CEL: variants seen among roughly 807,000 people sequenced by gnomAD.
CEL encodes carboxyl ester lipase.
A neutral mutation model predicts 57.1 loss-of-function variants in CEL; 39 were observed. The ratio of observed to expected loss-of-function variants is 0.68; its 90% CI spans 0.53 to 0.89. The LOEUF is 0.89. Among genes scored for constraint, CEL ranks in the 40% least tolerant of loss-of-function variants. CEL has a pLI of 0.00. For missense variants in CEL, 698 were observed against 915.0 expected, an observed-to-expected ratio of 0.76 and a Z score of 3.06; for synonymous variants, 314 against 396.6, an observed-to-expected ratio of 0.79 and a Z score of 2.48.
chr9:133,065,102 C>T lies in CEL; in HGVS notation c.403C>T (p.His135Tyr). 1 of 1,613,980 alleles carries T rather than the reference C, an allele frequency of 6.2e-7. No individual in the cohort carries two copies. Among genetic ancestry groups the T allele is most frequent in the African/African-American group, 1.3e-5 (1 of 75,062 alleles). Residue 135 changes from histidine to tyrosine, a missense_variant, in exon 4 of 11, where the codon CAT becomes TAT. Around this residue, in one of 6 missense-constraint regions of CEL, gnomAD observed 327 missense variants for 374.1 expected, o/e 0.87. Coordinates refer to ENST00000372080, the MANE Select transcript of CEL (RefSeq NM_001807.6). ...YGGAFLMGSG[H>Y]GANFLNNYLY... ...AGGCGCCTTCCTCATGGGGTCCGGC[C>T]ATGGGGCCAACTTCCTCAACAACTA...
Position 133,071,635 on chromosome 9 carries a change from CG to C in CEL, c.2134del (p.Ala712ProfsTer46), listed in dbSNP as rs1830277301. The stretch of plus-strand genomic sequence containing the variant: ...TGACCCCCACGGGTGACTCCGAGAC[CG>C]CCCCCGTGCCGCCCACGGGTGACTC... ...PVTPTGDSET[A>X]PVPPTGDSGA... On this transcript the variant is annotated frameshift_variant, in exon 11 of 11. Transcript: ENST00000372080. LOFTEE classifies it high-confidence loss of function. 6.7e-7 allele frequency: 1 copy of C among 1,503,258 alleles called. No homozygotes were observed. The highest frequency in any genetic ancestry group is 9.1e-7 in the Non-Finnish European group (1 of 1,102,534). The allele number at this position is 1,503,258 out of a possible 1,614,324, so 93.1% of individuals were successfully genotyped here.
chr9:133,064,903 GCCCA>G, intron 3 of CEL, 133 bp from the exon 4 acceptor site: 2 of 1,539,350 alleles, frequency 1.3e-6, no homozygotes, highest in Admixed American at 3.6e-5. Flanking sequence ...CACTGCCGTT[GCCCA>G]GCCTGGGGCA....
chr9:133,062,132 G>A, intron 1 of CEL, 64 bp downstream of exon 1: 1 of 1,477,116 alleles, frequency 6.8e-7, no homozygotes, highest in East Asian at 2.5e-5. Context: ...GGAAACTTCG[G>A]GCCAGGCTGA....
intron 2 of CEL, 43 bp downstream of exon 2, chr9:133,064,597 T>A (rs775674013): frequency 6.2e-7 from 1 of 1,602,052 alleles, no homozygotes; most frequent in Admixed American, 1.7e-5. Flanking sequence ...GCGGGGCGGG[T>A]GAGGGCGGCT....
Position 133,071,714 on chromosome 9 carries a change from C to T in CEL, c.2212C>T (p.Pro738Ser). The change falls in exon 11 of 11, where the codon CCC becomes TCC. Residue 738 changes from proline to serine, a missense_variant. By Grantham distance (74) the Pro-to-Ser change is moderately conservative. Coordinates refer to ENST00000372080, the MANE Select transcript of CEL (RefSeq NM_001807.6). ...TGDSEAAPVP[P>S]TDDSKEAQMP... ...TGACTCTGAGGCTGCCCCTGTGCCC[C>T]CCACAGATGACTCCAAGGAAGCTCA... 1 of 1,610,258 alleles carries T rather than the reference C, an allele frequency of 6.2e-7. No homozygotes were observed. Among genetic ancestry groups the T allele is most frequent in the Non-Finnish European group, 8.5e-7 (1 of 1,178,756 alleles).
Position 133,066,413 on chromosome 9 carries a change from C to T in CEL, c.539-117C>T. 2 of 1,352,302 alleles carry T rather than the reference C, an allele frequency of 1.5e-6. No homozygotes were observed. The highest frequency in any genetic ancestry group is 2.1e-6 in the Non-Finnish European group (2 of 964,150). 83.8% of individuals were successfully genotyped at this position (1,352,302 alleles called of 1,614,324 possible). ...GACCCACCATTTGCCAACTGGGGCT[C>T]TGCCATGGCCCCAACTCTGTTGAGG... On this transcript the variant is annotated intron_variant, in intron 4 of 10. Coordinates refer to ENST00000372080, the MANE Select transcript of CEL (RefSeq NM_001807.6). This position sits in a 1 kb window ranked among gnomAD's most constrained non-coding sequence, Gnocchi z 4.3.
intron 1 of CEL, 136 bp from the exon 2 acceptor site, chr9:133,064,268 G>A (rs1830137920): frequency 8.8e-7 from 1 of 1,136,692 alleles, no homozygotes; most frequent in Non-Finnish European, 1.3e-6. Context: ...GGTGCTGCCT[G>A]GGTCTCCTGT....
intron 9 of CEL, among the ~76,000 whole-genome samples, chr9:133,069,838 G>A (rs1248982993): frequency 6.6e-6 from 1 of 151,998 alleles, no homozygotes; most frequent in African/African-American, 2.4e-5. Context: ...AGGCATGGTG[G>A]TGCATGCCTA....
At position 133,066,507 on chromosome 9, in the gene CEL, C is replaced by T. The variant is rs774507925; in HGVS notation, c.539-23C>T. On this transcript the variant is annotated intron_variant, in intron 4 of 10. Coordinates refer to ENST00000372080, the MANE Select transcript of CEL (RefSeq NM_001807.6). This position sits in a 1 kb window ranked among gnomAD's most constrained non-coding sequence, Gnocchi z 4.3. ...GGCCTGGGCCACTGGTCTCTAGCACCCCCTCCCCTGCCCTGCCCCCAGGTA... is the reference window on the plus strand; with the variant it reads ...GGCCTGGGCCACTGGTCTCTAGCACTCCCTCCCCTGCCCTGCCCCCAGGTA... The T allele has an allele frequency of 1.9e-5, 30 of 1,613,634 alleles. No individual in the cohort carries two copies. Among genetic ancestry groups the T allele is most frequent in the Non-Finnish European group, 2.5e-5 (30 of 1,179,986 alleles).
chr9:133,062,553 T>C (rs1191444529), intron 1 of CEL, among the ~76,000 whole-genome samples: 3 of 139,654 alleles, frequency 2.1e-5, no homozygotes, highest in Non-Finnish European at 3.0e-5. Context: ...GAGATCACGC[T>C]ACTGCACTCC....
intron 4 of CEL, 120 bp downstream of exon 4, chr9:133,065,357 C>A: frequency 8.5e-7 from 1 of 1,174,900 alleles, no homozygotes; most frequent in Non-Finnish European, 1.3e-6. Flanking sequence ...GACCCGGAAG[C>A]TGGAGTAGAA....
At chr9:133,067,834 C>T (rs1176367590) in intron 7 of CEL, among the ~76,000 whole-genome samples, 1 of 152,150 alleles carries the variant, frequency 6.6e-6, no homozygotes, top group African/African-American at 2.4e-5. Context: ...GCTAGATGAC[C>T]GTTCATTCAT....
rs547978044 is a variant in CEL at position 133,064,813 on chromosome 9, C to T, written c.340+51C>T. The T allele has an allele frequency of 7.1e-5, 114 of 1,612,276 alleles. No individual in the cohort carries two copies. The South Asian group carries it at 9.7e-4, about 14-fold the overall frequency. On this transcript the variant is annotated intron_variant, in intron 3 of 10. Transcript: ENST00000372080. ...GGACCCTCCCATGCAGCCACTGCCC[C>T]GGGTCTACTCCTGGCTTGAGTCTGG... is the stretch of plus-strand genomic sequence containing the variant.
Position 133,066,720 on chromosome 9 carries a change from AG to A in CEL, c.669+64del. The A allele has an allele frequency of 1.5e-6, 2 of 1,310,412 alleles. No homozygotes were observed. The highest frequency in any genetic ancestry group is 2.2e-6 in the Non-Finnish European group (2 of 922,660). 81.2% of individuals were successfully genotyped at this position (1,310,412 alleles called of 1,614,324 possible). A position where few individuals can be genotyped will look rare whatever the true frequency, so the allele number is the denominator to read the frequency against. Reference sequence around the variant, plus strand: ...AGGTTGAGAGGAAGCTCAAACGGGAAGGGGAGGGTGGGAGGAGGAGCGTGGA... The same window carrying A: ...AGGTTGAGAGGAAGCTCAAACGGGAAGGGAGGGTGGGAGGAGGAGCGTGGA... On this transcript the variant is annotated intron_variant, in intron 5 of 10. Transcript: ENST00000372080. The surrounding 1 kb of genome is among the most constrained non-coding windows in gnomAD (Gnocchi z 4.3).
In CEL at chr9:133,070,609, A is replaced by G; in HGVS notation, c.1435A>G (p.Thr479Ala). 2 of 1,614,170 alleles carry G rather than the reference A, an allele frequency of 1.2e-6. No homozygotes were observed. Among genetic ancestry groups the G allele is most frequent in the Non-Finnish European group, 1.7e-6 (2 of 1,180,020 alleles). ...CACGGGCTACCGGCCCCAAGACAGG[A>G]CAGTCTCTAAGGCCATGATCGCCTA... Reference protein sequence around the residue: ...TPTGYRPQDRTVSKAMIAYWT... With the variant: ...TPTGYRPQDRAVSKAMIAYWT... The change falls in exon 10 of 11, where the codon ACA becomes GCA. Residue 479 changes from threonine (T) to alanine (A), a missense_variant. By Grantham distance (58) the Thr-to-Ala change is moderately conservative. Coordinates refer to ENST00000372080, the MANE Select transcript of CEL (RefSeq NM_001807.6).
In CEL at chr9:133,071,592, A is replaced by G. The variant is rs749931660; in HGVS notation, c.2090A>G (p.Asp697Gly). Reference sequence around the variant, plus strand: ...GCCCCCCCCGTGCCGCCCACGGGTGACTCCGGGGCCCCCCCCGTGACCCCC... The same window carrying G: ...GCCCCCCCCGTGCCGCCCACGGGTGGCTCCGGGGCCCCCCCCGTGACCCCC... ...SGAPPVPPTG[D>G]SGAPPVTPTG... is the part of the protein sequence containing the mutation. The change falls in exon 11 of 11, where the codon GAC (aspartate) becomes GGC (glycine). Residue 697 changes from aspartate to glycine, a missense_variant. Physicochemically the swap from Asp to Gly is moderately conservative, Grantham distance 94 (BLOSUM62 -1). Coordinates refer to ENST00000372080, the MANE Select transcript of CEL (RefSeq NM_001807.6). The G allele has an allele frequency of 3.0e-5, 39 of 1,294,596 alleles. 1 individual carries two copies. In the South Asian group the frequency reaches 4.6e-4, roughly 15 times the overall value. The allele number at this position is 1,294,596 out of a possible 1,614,324, so 80.2% of individuals were successfully genotyped here.
Position 133,065,879 on chromosome 9 carries a change from G to A in CEL, c.538+642G>A, listed in dbSNP as rs141579587. On this transcript the variant is annotated intron_variant, in intron 4 of 10. Coordinates refer to ENST00000372080, the MANE Select transcript of CEL (RefSeq NM_001807.6). ...AAAAAAAAAAAAAAAATAGCCAGGC[G>A]TGGTATCTCATGCCTCTGTCCTCAG... is the stretch of plus-strand genomic sequence containing the variant. Among the ~76,000 whole-genome samples, 718 of 150,362 alleles carry A rather than the reference G, an allele frequency of 4.8e-3. 5 individuals carry two copies. The highest frequency in any genetic ancestry group is 0.013 in the South Asian group (64 of 4,766).
chr9:133,067,582 C>G (rs934172260), intron 7 of CEL, among the ~76,000 whole-genome samples: 8 of 152,148 alleles, frequency 5.3e-5, no homozygotes, highest in Non-Finnish European at 1.0e-4. Flanking sequence ...ATCGTGTTAG[C>G]TAGGATGATC....
rs1490025837 is a variant in CEL, at chr9:133,064,680, G to A, written c.258G>A (p.Gln86=). 1 of 1,613,966 alleles carries A rather than the reference G, an allele frequency of 6.2e-7. No individual in the cohort carries two copies. The highest frequency in any genetic ancestry group is 8.5e-7 in the Non-Finnish European group (1 of 1,180,018). Residue 86 remains glutamine, a synonymous_variant, in exon 3 of 11, where the codon CAG becomes CAA. Transcript: ENST00000372080. ...KAKNFKKRCL[Q]ATITQDSTYG... ...AGAACTTCAAGAAGAGATGCCTGCA[G>A]GCCACCATCACCCAGGACAGCACCT...
Sources: allele counts gnomAD v4.1 joint callset (sites outside exome capture counted in the v4.1 genomes callset), GRCh38; gene constraint gnomAD v4.1.1; regional missense constraint gnomAD v4.1.1; non-coding constraint Gnocchi (gnomAD v3.1); transcripts MANE v1.5; gene names NCBI Gene and HGNC (gene_info 2026-07-23, HGNC 2026-07-21).